The following FDFT1 variants were observed in gnomAD, a reference collection of about 807,000 sequenced individuals.
FDFT1 encodes the protein farnesyl-diphosphate farnesyltransferase 1, also known as squalene synthase.
In FDFT1, 68 loss-of-function variants were observed where a neutral mutation model predicts 46.8. The observed-to-expected ratio is 1.45, with a 90% CI of 1.19 to 1.78. The LOEUF is 1.78. Among genes scored for constraint, FDFT1 ranks in the 40% most tolerant of loss-of-function variants. The pLI, the probability that FDFT1 is intolerant of heterozygous loss-of-function variation, is 0.00. For synonymous variants in FDFT1, 351 were observed against 185.1 expected (o/e 1.90, Z -7.28); for missense variants, 928 against 524.4 (o/e 1.77, Z -7.52).
At chr8:11,836,327 G>A (rs1277340336) in intron 7 of FDFT1, among the ~76,000 whole-genome samples, 2 of 152,168 alleles carry the variant, frequency 1.3e-5, no homozygotes, top group Non-Finnish European at 2.9e-5. Flanking sequence ...CTTGGCCTTC[G>A]GCCACTGCTG....
intron 4 of FDFT1, among the ~76,000 whole-genome samples, chr8:11,824,128 T>C (rs147331497): frequency 6.6e-5 from 10 of 152,278 alleles, no homozygotes; most frequent in Non-Finnish European, 1.3e-4. Context: ...CTCCCAAAAT[T>C]CCGGGATTAC....
upstream of FDFT1, chr8:11,802,367 C>T (rs572565687): frequency 5.1e-5 from 23 of 450,628 alleles, no homozygotes; most frequent in Non-Finnish European, 7.6e-5. Flanking sequence ...GCACTGCTCT[C>T]CCGACTGCGG....
At chr8:11,831,495 C>G (rs757673923) in intron 6 of FDFT1, 23 bp from the exon 7 acceptor site, 8 of 1,593,888 alleles carry the variant, frequency 5.0e-6, no homozygotes, top group South Asian at 1.1e-5. Context: ...CTTCTTTTTT[C>G]CCTCTCTTCT....
chr8:11,802,376 G>C (rs909684499), upstream of FDFT1: 1 of 452,824 alleles, frequency 2.2e-6, no homozygotes, highest in East Asian at 7.0e-5. Flanking sequence ...TCCCGACTGC[G>C]GACCACCGTT....
chr8:11,804,051 C>A (rs1331809588), intron 1 of FDFT1, among the ~76,000 whole-genome samples: 1 of 152,124 alleles, frequency 6.6e-6, no homozygotes, highest in African/African-American at 2.4e-5. Context: ...AAATATTTGA[C>A]GACCAGTTGT....
upstream of FDFT1, among the ~76,000 whole-genome samples, chr8:11,799,086 A>T (rs548730085): frequency 2.0e-5 from 3 of 152,366 alleles, no homozygotes; most frequent in East Asian, 5.8e-4. Flanking sequence ...ACATGTATGT[A>T]ATATATGACC....
chr8:11,802,723 C>G (rs967397649), upstream of FDFT1: 5 of 834,458 alleles, frequency 6.0e-6, no homozygotes, highest in Admixed American at 2.1e-5. Flanking sequence ...GGCCTGCCCC[C>G]TGTCCGGCCA....
intron 6 of FDFT1, among the ~76,000 whole-genome samples, chr8:11,830,845 C>G (rs886195364): frequency 6.6e-6 from 1 of 152,196 alleles, no homozygotes; most frequent in East Asian, 1.9e-4. Context: ...TAGACCTAGC[C>G]TCTCAGTATG....
intron 4 of FDFT1, among the ~76,000 whole-genome samples, chr8:11,822,476 C>G (rs1411409432): frequency 1.3e-5 from 2 of 152,150 alleles, no homozygotes; most frequent in Non-Finnish European, 2.9e-5. Context: ...TTTGTGCTTC[C>G]TAAGTTAACA....
chr8:11,829,270 A>G lies in FDFT1; in HGVS notation c.703-974A>G, dbSNP rs200816398. 2.6e-5 allele frequency among the ~76,000 whole-genome samples: 4 copies of G among 152,248 alleles called. No individual in the cohort carries two copies. The East Asian group carries it at 7.7e-4, about 29-fold the overall frequency. On this transcript the variant is annotated intron_variant, in intron 5 of 7. Transcript: ENST00000220584. ...TCTATTATTCAGTGGCATTAAGTAC[A>G]TTAATGATGTTATATAACCATCAAC...
At chr8:11,836,206 A>G (rs951281085) in intron 7 of FDFT1, among the ~76,000 whole-genome samples, 4 of 151,994 alleles carry the variant, frequency 2.6e-5, no homozygotes, top group African/African-American at 9.7e-5. Context: ...CTGAGAAACT[A>G]TTCTCAGGGT....
At chr8:11,802,383 C>G (rs17553559), upstream of FDFT1, 8 of 455,404 alleles carry the variant, frequency 1.8e-5, no homozygotes, top group Middle Eastern at 3.2e-4. Context: ...TGCGGACCAC[C>G]GTTGGGCTCC....
chr8:11,823,337 A>G (rs977646080), intron 4 of FDFT1, among the ~76,000 whole-genome samples: 9 of 152,186 alleles, frequency 5.9e-5, no homozygotes, highest in South Asian at 2.1e-4. Context: ...CAAAAGAACT[A>G]TTATCTTCAA....
At chr8:11,804,880 A>G (rs1439947868) in intron 1 of FDFT1, among the ~76,000 whole-genome samples, 1 of 144,360 alleles carries the variant, frequency 6.9e-6, no homozygotes, top group African/African-American at 2.6e-5. Flanking sequence ...AAGTGCTAGG[A>G]TTACAGGCGT....
At chr8:11,831,315 G>A (rs1210544016) in intron 6 of FDFT1, among the ~76,000 whole-genome samples, 2 of 152,192 alleles carry the variant, frequency 1.3e-5, no homozygotes, top group Admixed American at 6.5e-5. Flanking sequence ...GCTTAATTCT[G>A]TGTGTTGTTG....
chr8:11,831,950 G>T (rs1810861722), intron 7 of FDFT1, among the ~76,000 whole-genome samples: 1 of 152,238 alleles, frequency 6.6e-6, no homozygotes, highest in African/African-American at 2.4e-5. Context: ...GCAAGATGAT[G>T]CAGGAGGCCA....
At chr8:11,810,106 G>T (rs983419506) in intron 3 of FDFT1, 1 of 431,248 alleles carries the variant, frequency 2.3e-6, no homozygotes, top group Non-Finnish European at 4.1e-6. Flanking sequence ...GTAAAATAGG[G>T]GTAATAATAA....
intron 3 of FDFT1, among the ~76,000 whole-genome samples, chr8:11,814,448 G>C (rs561503688): frequency 3.9e-5 from 6 of 152,118 alleles, no homozygotes; most frequent in African/African-American, 9.7e-5. Context: ...TTCCGAGGAA[G>C]TTTTTCTAAC....
chr8:11,802,859 C>G lies in FDFT1; in HGVS notation c.27C>G (p.His9Gln). MEFVKCLGHPEEFYNLVRF... is the reference protein window; with the variant it reads MEFVKCLGQPEEFYNLVRF... ...TGGAGTTCGTGAAATGCCTTGGCCACCCCGAAGAGTTCTACAACCTGGTGC... is the reference window on the plus strand; with the variant it reads ...TGGAGTTCGTGAAATGCCTTGGCCAGCCCGAAGAGTTCTACAACCTGGTGC... Residue 9 changes from histidine to glutamine, a missense_variant, in exon 1 of 8, where the codon CAC (histidine) becomes CAG (glutamine). By Grantham distance (24) the His-to-Gln change is conservative. Transcript: ENST00000220584. The G allele has an allele frequency of 6.2e-7, 1 of 1,611,902 alleles. No individual in the cohort carries two copies. The highest frequency in any genetic ancestry group is 8.5e-7 in the Non-Finnish European group (1 of 1,178,958).
Sources: gnomAD v4.1 joint callset for allele counts (sites outside exome capture counted in the v4.1 genomes callset) on GRCh38, gnomAD v4.1.1 for gene constraint, MANE v1.5 for transcripts, NCBI Gene and HGNC (gene_info 2026-07-23, HGNC 2026-07-21) for gene names.